The following PRH1 variants were observed in gnomAD, a reference collection of about 807,000 sequenced individuals.
The protein encoded by PRH1 is salivary acidic proline-rich phosphoprotein 1/2.
PRH1 carries 7 observed loss-of-function variants against 7.9 expected under a neutral mutation model. The observed-to-expected ratio is 0.89, with a 90% confidence interval of 0.50 to 1.67. The LOEUF is 1.67. Among genes scored for constraint, PRH1 ranks in the 40% most tolerant of loss-of-function variants. The pLI is 0.00. For missense variants in PRH1, 109 were observed against 223.6 expected (o/e 0.49, Z 3.27); for synonymous variants, 45 against 80.8 (o/e 0.56, Z 2.38).
At chr12:11,157,106 A>G (rs1464032047) in intron 1 of PRH1, among the ~76,000 whole-genome samples, 1 of 152,178 alleles carries the variant, frequency 6.6e-6, no homozygotes, top group African/African-American at 2.4e-5. Flanking sequence ...GCAGCCTCCC[A>G]AAGTGCTGGG....
At chr12:11,085,283 T>A (rs1014131331) in intron 1 of PRH1, among the ~76,000 whole-genome samples, 2 of 151,000 alleles carry the variant, frequency 1.3e-5, no homozygotes, top group African/African-American at 4.9e-5. Context: ...GTAAGGCAAA[T>A]TTCAGCATTG....
chr12:11,096,605 T>G lies in PRH1; in HGVS notation n.124-49417A>C, dbSNP rs1415808707. Among the ~76,000 whole-genome samples the G allele has an allele frequency of 1.7e-5, 2 of 114,976 alleles. 1 individual carries two copies. The allele number at this position is 114,976 out of a possible 152,430, so 75.4% of individuals were successfully genotyped here. A position where few individuals can be genotyped will look rare whatever the true frequency, so the allele number is the denominator to read the frequency against. The stretch of plus-strand genomic sequence containing the variant: ...CATGAAACTCGGAAAAAACTGGAAA[T>G]TGATTTCATGTCAATAGCTTTTTTT... On this transcript the variant is annotated intron_variant and non_coding_transcript_variant, in intron 1 of 4. Transcript: ENST00000541977.
chr12:10,982,576 T>TAG (rs1340340415), intron 1 of PRH1, among the ~76,000 whole-genome samples: 2 of 152,210 alleles, frequency 1.3e-5, no homozygotes, highest in Non-Finnish European at 2.9e-5. Context: ...GCTTCACTGT[T>TAG]TTCTGTCAGG....
chr12:10,915,666 T>C (rs1400474678), intron 2 of PRH1, among the ~76,000 whole-genome samples: 1 of 45,328 alleles, frequency 2.2e-5, no homozygotes, highest in African/African-American at 3.8e-5. Context: ...TAACTTGAGC[T>C]ATTTTTTATA....
At chr12:11,060,022 T>G (rs1466664155) in intron 1 of PRH1, among the ~76,000 whole-genome samples, 2 of 152,120 alleles carry the variant, frequency 1.3e-5, no homozygotes, top group Non-Finnish European at 2.9e-5. Context: ...ATCTCTGATC[T>G]GATTTTACAG....
chr12:11,107,013 G>T (rs558734500), intron 1 of PRH1, among the ~76,000 whole-genome samples: 65 of 151,858 alleles, frequency 4.3e-4, no homozygotes, highest in African/African-American at 1.5e-3. Context: ...TTCTTTTTTG[G>T]GGTAGGGGAG....
intron 1 of PRH1, among the ~76,000 whole-genome samples, chr12:11,081,250 T>G (rs1944490194): frequency 7.1e-6 from 1 of 141,402 alleles, no homozygotes; most frequent in South Asian, 2.1e-4. Context: ...CTACTGCATC[T>G]AACTGGTTAA....
chr12:10,922,265 G>A (rs1950056322), intron 2 of PRH1, among the ~76,000 whole-genome samples: 1 of 152,130 alleles, frequency 6.6e-6, no homozygotes, highest in South Asian at 2.1e-4. Flanking sequence ...AGGTGAATAT[G>A]TGCCTCATTC....
At chr12:11,166,702 A>C (rs1051414022) in intron 1 of PRH1, among the ~76,000 whole-genome samples, 1 of 152,238 alleles carries the variant, frequency 6.6e-6, no homozygotes, top group Non-Finnish European at 1.5e-5. Context: ...CATTTGTTTT[A>C]GATTTGCACT....
intron 1 of PRH1, among the ~76,000 whole-genome samples, chr12:11,161,877 A>G (rs1947427885): frequency 6.6e-6 from 1 of 152,256 alleles, no homozygotes; most frequent in Admixed American, 6.5e-5. Flanking sequence ...CAGACATGAA[A>G]CATTTGTGTA....
intron 1 of PRH1, chr12:11,021,516 T>C (rs928944847): frequency 2.0e-6 from 1 of 506,182 alleles, no homozygotes; most frequent in Non-Finnish European, 3.3e-6. Context: ...TATATGACTT[T>C]TCTAGGTATC....
intron 1 of PRH1, among the ~76,000 whole-genome samples, chr12:11,082,174 AAATGTAGATGATGAT>A (rs1453036018): frequency 8.7e-6 from 1 of 115,070 alleles, no homozygotes; most frequent in Non-Finnish European, 2.1e-5. Context: ...AGACAGATGT[AAATGTAGATGATGAT>A]AATGATGATG....
chr12:11,009,443 T>A (rs1940973478), intron 1 of PRH1, among the ~76,000 whole-genome samples: 1 of 151,936 alleles, frequency 6.6e-6, no homozygotes, highest in African/African-American at 2.4e-5. Flanking sequence ...CATTTCATCA[T>A]TTTTGGAAAA....
At chr12:11,112,117 C>G (rs1366468445) in intron 1 of PRH1, among the ~76,000 whole-genome samples, 3 of 151,984 alleles carry the variant, frequency 2.0e-5, no homozygotes, top group African/African-American at 7.2e-5. Flanking sequence ...AAGTCAAATC[C>G]CTGAATAGAC....
At chr12:10,941,762 A>T (rs1950405134) in intron 2 of PRH1, among the ~76,000 whole-genome samples, 1 of 151,692 alleles carries the variant, frequency 6.6e-6, no homozygotes, top group Admixed American at 6.6e-5. Context: ...ATTGCTGGTG[A>T]GCTAGTGTGA....
At chr12:11,017,754 A>G (rs1213299977) in intron 1 of PRH1, among the ~76,000 whole-genome samples, 1 of 152,018 alleles carries the variant, frequency 6.6e-6, no homozygotes, top group Non-Finnish European at 1.5e-5. Context: ...TGGTCTCCCA[A>G]AGTGCTGGTA....
chr12:10,916,771 G>A (rs1949977618), intron 2 of PRH1, among the ~76,000 whole-genome samples: 1 of 151,932 alleles, frequency 6.6e-6, no homozygotes, highest in African/African-American at 2.4e-5. Context: ...ATTTGAGCCG[G>A]GCACAGTGGC....
chr12:10,890,506 T>C (rs949927487), intron 2 of PRH1, among the ~76,000 whole-genome samples: 3 of 152,106 alleles, frequency 2.0e-5, no homozygotes, highest in African/African-American at 7.2e-5. Context: ...GCTGTCACAG[T>C]AGCCAGAAGG....
chr12:11,035,573 G>A (rs570290132), intron 1 of PRH1, among the ~76,000 whole-genome samples: 3 of 152,048 alleles, frequency 2.0e-5, no homozygotes, highest in Non-Finnish European at 2.9e-5. Flanking sequence ...TAAAAAAAGA[G>A]TTTTTTTAAA....
Sources: allele counts gnomAD v4.1 joint callset (sites outside exome capture counted in the v4.1 genomes callset), GRCh38; gene constraint gnomAD v4.1.1; transcripts MANE v1.5; gene names NCBI Gene and HGNC (gene_info 2026-07-23, HGNC 2026-07-21).